The following SMIM3 variants were observed in gnomAD, a reference collection of about 807,000 sequenced individuals.
The protein encoded by SMIM3 is small integral membrane protein 3.
Under a neutral mutation model 2.1 loss-of-function variants are expected in SMIM3, and 4 were observed. That is an observed-to-expected ratio of 1.89 (90% CI 0.93 to 4.31). SMIM3 has a LOEUF of 4.31. SMIM3 is among the 30% of genes most tolerant of loss of function. The probability of loss-of-function intolerance (pLI) is 0.01; values close to 1 mark genes in which losing one functional copy is unlikely to be tolerated. For missense variants in SMIM3, 79 were observed against 77.7 expected (o/e 1.02, Z -0.06); for synonymous variants, 29 against 30.8 (o/e 0.94, Z 0.19).
chr5:150,781,649 T>G lies in SMIM3; in HGVS notation c.-12+2677T>G, dbSNP rs115847779. On this transcript the variant is annotated intron_variant, in intron 1 of 1. Coordinates refer to ENST00000526627, the MANE Select transcript of SMIM3 (RefSeq NM_032947.5). ...TAGATGTCTTTGGTGGTGGTGGTGGTGGGCATTATTCTGCTTTCCACACAC... is the reference window on the plus strand; with the variant it reads ...TAGATGTCTTTGGTGGTGGTGGTGGGGGGCATTATTCTGCTTTCCACACAC... 9.6e-3 allele frequency among the ~76,000 whole-genome samples: 1,461 copies of G among 152,278 alleles called. 23 individuals are homozygous for G. The highest frequency in any genetic ancestry group is 0.033 in the African/African-American group (1,363 of 41,542).
intron 1 of SMIM3, among the ~76,000 whole-genome samples, chr5:150,790,648 C>T (rs913798304): frequency 1.3e-5 from 2 of 152,114 alleles, no homozygotes; most frequent in African/African-American, 4.8e-5. Context: ...GGAATCAATT[C>T]CCAAATCTTA....
intron 1 of SMIM3, among the ~76,000 whole-genome samples, chr5:150,794,182 C>T (rs182998519): frequency 4.7e-4 from 72 of 152,178 alleles, no homozygotes; most frequent in Non-Finnish European, 8.2e-4. Flanking sequence ...AGTAAATGCT[C>T]GTGTGGATGT....
chr5:150,785,284 A>G (rs1753278835), intron 1 of SMIM3, among the ~76,000 whole-genome samples: 1 of 151,470 alleles, frequency 6.6e-6, no homozygotes, highest in South Asian at 2.1e-4. Context: ...GACAGGTTTC[A>G]CCATGTTGGC....
At chr5:150,788,878 G>A (rs1299670527) in intron 1 of SMIM3, among the ~76,000 whole-genome samples, 1 of 152,092 alleles carries the variant, frequency 6.6e-6, no homozygotes, top group Non-Finnish European at 1.5e-5. Context: ...TGGCATGTTT[G>A]GTGCTAGTGG....
intron 1 of SMIM3, among the ~76,000 whole-genome samples, chr5:150,780,533 T>C (rs532356887): frequency 6.6e-6 from 1 of 152,304 alleles, no homozygotes; most frequent in Admixed American, 6.5e-5. Flanking sequence ...CTCAGAACTG[T>C]GGCTCCATGA....
intron 1 of SMIM3, among the ~76,000 whole-genome samples, chr5:150,789,653 G>C (rs958751963): frequency 2.6e-5 from 4 of 152,166 alleles, no homozygotes; most frequent in Admixed American, 2.6e-4. Flanking sequence ...AAGTAAGCCC[G>C]CTGCACTGAG....
chr5:150,787,871 G>T (rs938646325), intron 1 of SMIM3, among the ~76,000 whole-genome samples: 1 of 152,190 alleles, frequency 6.6e-6, no homozygotes, highest in African/African-American at 2.4e-5. Flanking sequence ...TGTGCTTCTT[G>T]AAGCACAGAG....
intron 1 of SMIM3, among the ~76,000 whole-genome samples, chr5:150,787,699 T>C (rs1264506205): frequency 6.6e-6 from 1 of 152,232 alleles, no homozygotes; most frequent in African/African-American, 2.4e-5. Context: ...TTTAATAAGT[T>C]AATGAATGGG....
rs994444496 is a variant in SMIM3 at position 150,795,377 on chromosome 5, G to A, written c.-11-53G>A. 8 of 1,588,016 alleles carry A rather than the reference G, an allele frequency of 5.0e-6. No homozygotes were observed. In the African/African-American group the frequency reaches 9.4e-5, roughly 19 times the overall value. On this transcript the variant is annotated intron_variant, in intron 1 of 1. Transcript: ENST00000526627. ...ACTCCTGAGGGTTTCCTTCTAACCA[G>A]GGAGGCAGGGAGAGAGTACGCAACA...
chr5:150,781,587 A>G (rs1334090775), intron 1 of SMIM3, among the ~76,000 whole-genome samples: 1 of 152,196 alleles, frequency 6.6e-6, no homozygotes, highest in Non-Finnish European at 1.5e-5. Flanking sequence ...GTGACCCACT[A>G]TATAGGATCA....
rs138954551 is a variant in SMIM3, at chr5:150,783,263, C to T, written c.-12+4291C>T. 2.0e-3 allele frequency among the ~76,000 whole-genome samples: 308 copies of T among 152,326 alleles called. 2 individuals carry two copies. The highest frequency in any genetic ancestry group is 0.017 in the Middle Eastern group (5 of 294). ...TGGCCAGTGTGGCCCCATCTAGGAA[C>T]TTGAATTGCCCTCTCTGGCTTAAAT... On this transcript the variant is annotated intron_variant, in intron 1 of 1. Transcript: ENST00000526627.
intron 1 of SMIM3, among the ~76,000 whole-genome samples, chr5:150,785,507 G>A (rs1216935642): frequency 1.4e-5 from 2 of 147,958 alleles, no homozygotes; most frequent in Non-Finnish European, 3.0e-5. Flanking sequence ...CAATCTAACT[G>A]TTTCTCTTTT....
chr5:150,779,975 C>T (rs1006242060), intron 1 of SMIM3, among the ~76,000 whole-genome samples: 9 of 152,204 alleles, frequency 5.9e-5, no homozygotes, highest in South Asian at 2.1e-4. Context: ...GAGGAGTCTC[C>T]GGTTCATCTG....
chr5:150,783,886 C>G (rs1428510019), intron 1 of SMIM3, among the ~76,000 whole-genome samples: 1 of 150,786 alleles, frequency 6.6e-6, no homozygotes, highest in Non-Finnish European at 1.5e-5. Flanking sequence ...TCACGGCACC[C>G]TAACTAATGG....
At position 150,779,846 on chromosome 5, in the gene SMIM3, C is replaced by G. The variant is rs527835450; in HGVS notation, c.-12+874C>G. Reference sequence around the variant, plus strand: ...AAGGTGTAACCCCCCCCGCCCCCCCCACAAATTGAAACAAACCTCAGGGGC... The same window carrying G: ...AAGGTGTAACCCCCCCCGCCCCCCCGACAAATTGAAACAAACCTCAGGGGC... On this transcript the variant is annotated intron_variant, in intron 1 of 1. Transcript: ENST00000526627. Among the ~76,000 whole-genome samples, 692 of 146,340 alleles carry G rather than the reference C, an allele frequency of 4.7e-3. 5 individuals are homozygous for G. The highest frequency in any genetic ancestry group is 8.0e-3 in the Non-Finnish European group (528 of 66,234).
At position 150,795,642 on chromosome 5, in the gene SMIM3, G is replaced by C; in HGVS notation, c.*19G>C. 3 of 1,537,948 alleles carry C rather than the reference G, an allele frequency of 2.0e-6. No individual in the cohort carries two copies. Among genetic ancestry groups the C allele is most frequent in the Non-Finnish European group, 2.6e-6 (3 of 1,147,020 alleles). ...TGTTTGAGAGCCTCCCAAGAGGGCC[G>C]GGTGAGGGATGAGGACAGGCATCCT... On this transcript the variant is annotated 3_prime_UTR_variant, in exon 2 of 2. Coordinates refer to ENST00000526627, the MANE Select transcript of SMIM3 (RefSeq NM_032947.5).
At chr5:150,786,444 C>T (rs1277131681) in intron 1 of SMIM3, among the ~76,000 whole-genome samples, 1 of 152,002 alleles carries the variant, frequency 6.6e-6, no homozygotes. Flanking sequence ...CACACCATGC[C>T]CATCTAATTT....
intron 1 of SMIM3, among the ~76,000 whole-genome samples, chr5:150,791,341 T>C (rs1753347528): frequency 6.6e-6 from 1 of 152,172 alleles, no homozygotes; most frequent in African/African-American, 2.4e-5. Flanking sequence ...AATTTTTTTA[T>C]CTCAGTACTT....
At chr5:150,788,356 A>C (rs1356072261) in intron 1 of SMIM3, among the ~76,000 whole-genome samples, 3 of 152,112 alleles carry the variant, frequency 2.0e-5, no homozygotes, top group African/African-American at 4.8e-5. Flanking sequence ...TTACCTTTGG[A>C]AAAGTAAAAT....
Sources: allele counts gnomAD v4.1 joint callset (sites outside exome capture counted in the v4.1 genomes callset), GRCh38; gene constraint gnomAD v4.1.1; transcripts MANE v1.5; gene names NCBI Gene and HGNC (gene_info 2026-07-23, HGNC 2026-07-21).